SRGAP2C: variants seen among roughly 807,000 people sequenced by gnomAD.
The protein encoded by SRGAP2C is SLIT-ROBO Rho GTPase-activating protein 2C.
Under a neutral mutation model 25.1 loss-of-function variants are expected in SRGAP2C, and 15 were observed. The ratio of observed to expected loss-of-function variants is 0.60; its 90% CI spans 0.40 to 0.92. SRGAP2C has a LOEUF of 0.92. Among genes scored for constraint, SRGAP2C ranks in the 40% least tolerant of loss-of-function variants. The pLI is 0.00. For synonymous variants in SRGAP2C, 44 were observed against 96.6 expected, an observed-to-expected ratio of 0.46 and a Z score of 3.19; for missense variants, 144 against 264.4, an observed-to-expected ratio of 0.54 and a Z score of 3.16.
intron 2 of SRGAP2C, among the ~76,000 whole-genome samples, chr1:121,237,527 A>C (rs1655988498): frequency 6.6e-6 from 1 of 151,698 alleles, no homozygotes; most frequent in African/African-American, 2.4e-5. Flanking sequence ...ACTCTGTATA[A>C]GCTTTGCTGA....
rs1660016515 is a variant in SRGAP2C at position 121,389,210 on chromosome 1, ATTCATTGAT to A, written c.*1358_*1366del. 1 of 151,954 alleles carries A rather than the reference ATTCATTGAT, an allele frequency of 6.6e-6. No homozygotes were observed. The highest frequency in any genetic ancestry group is 1.5e-5 in the Non-Finnish European group (1 of 67,974). The allele number at this position is 151,954 out of a possible 1,614,324, so 9.4% of individuals were successfully genotyped here. The stretch of plus-strand genomic sequence containing the variant: ...AAATAACAGAATGGCATTTTAGCTC[ATTCATTGAT>A]TTTTATAAAATATTTAACACACTCC... On this transcript the variant is annotated 3_prime_UTR_variant, in exon 10 of 10. Coordinates refer to ENST00000367123, the MANE Select transcript of SRGAP2C (RefSeq NM_001329984.2).
intron 2 of SRGAP2C, among the ~76,000 whole-genome samples, chr1:121,222,126 G>T (rs1240926969): frequency 6.6e-6 from 1 of 151,942 alleles, no homozygotes; most frequent in Admixed American, 6.5e-5. Flanking sequence ...TACCACCTTA[G>T]TGAGGTGGAT....
intron 2 of SRGAP2C, among the ~76,000 whole-genome samples, chr1:121,264,107 T>C (rs1323171253): frequency 4.6e-5 from 7 of 151,864 alleles, no homozygotes; most frequent in African/African-American, 1.7e-4. Context: ...GGGCTGTCTG[T>C]AATATCTAAA....
chr1:121,268,711 A>G (rs1656867709), intron 2 of SRGAP2C, among the ~76,000 whole-genome samples: 1 of 118,618 alleles, frequency 8.4e-6, no homozygotes, highest in Non-Finnish European at 2.0e-5. Flanking sequence ...TGGCAGGTGA[A>G]TGGTGGTACC....
intron 8 of SRGAP2C, among the ~76,000 whole-genome samples, chr1:121,385,280 T>G (rs1223233725): frequency 8.7e-6 from 1 of 115,128 alleles, no homozygotes; most frequent in Non-Finnish European, 1.8e-5. Context: ...TAGGAGGAGG[T>G]GCTTGGCTCC....
At chr1:121,198,286 TTTTTTTTG>T (rs1292332017) in intron 2 of SRGAP2C, among the ~76,000 whole-genome samples, 5 of 151,622 alleles carry the variant, frequency 3.3e-5, no homozygotes, top group African/African-American at 1.2e-4. Context: ...TCTTTGTTTT[TTTTTTTTG>T]TTTGTTTGTT....
chr1:121,368,175 G>A (rs1553350040), intron 5 of SRGAP2C, among the ~76,000 whole-genome samples: 3 of 112,186 alleles, frequency 2.7e-5, no homozygotes, highest in Non-Finnish European at 5.5e-5. Flanking sequence ...AGGCTGAGGT[G>A]GGCGGATCAT....
chr1:121,360,770 T>C (rs1659172715), intron 4 of SRGAP2C: 1 of 130,250 alleles, frequency 7.7e-6, no homozygotes, highest in African/African-American at 2.9e-5. Flanking sequence ...ACCTTATGTA[T>C]GGTGGTGCTT....
chr1:121,315,164 A>G (rs1198531186), intron 3 of SRGAP2C: 6 of 400,576 alleles, frequency 1.5e-5, no homozygotes, highest in African/African-American at 1.1e-4. Flanking sequence ...TTATTTTTTA[A>G]GAGACAGGTC....
chr1:121,228,660 C>T (rs1326437489), intron 2 of SRGAP2C, among the ~76,000 whole-genome samples: 4 of 151,784 alleles, frequency 2.6e-5, no homozygotes, highest in East Asian at 1.9e-4. Context: ...ACCTTGAACA[C>T]CATCTCTTCT....
chr1:121,213,099 G>A (rs149092737), intron 2 of SRGAP2C, among the ~76,000 whole-genome samples: 6,468 of 141,826 alleles, frequency 0.046, 465 homozygotes, highest in African/African-American at 0.16. Flanking sequence ...AGGCTGGAGT[G>A]CAATGGCATG....
intron 2 of SRGAP2C, among the ~76,000 whole-genome samples, chr1:121,237,371 C>T (rs1489488978): frequency 9.9e-5 from 15 of 152,098 alleles, no homozygotes; most frequent in South Asian, 2.1e-4. Flanking sequence ...GCTATGTGTT[C>T]GCTCCAGTCT....
At position 121,390,909 on chromosome 1, in the gene SRGAP2C, C is replaced by T. The variant is rs1354934384; in HGVS notation, c.*3054C>T. 1.4e-5 allele frequency: 2 copies of T among 145,846 alleles called. No homozygotes were observed. The highest frequency in any genetic ancestry group is 3.0e-5 in the Non-Finnish European group (2 of 66,694). 9.0% of individuals were successfully genotyped at this position (145,846 alleles called of 1,614,324 possible). A position where few individuals can be genotyped will look rare whatever the true frequency, so the allele number is the denominator to read the frequency against. ...CACAAAAATTAGCTGGGTGTGGTGGCAGGCGCCTGTAATCCCAGCTACTCA... is the reference window on the plus strand; with the variant it reads ...CACAAAAATTAGCTGGGTGTGGTGGTAGGCGCCTGTAATCCCAGCTACTCA... On this transcript the variant is annotated 3_prime_UTR_variant, in exon 10 of 10. Coordinates refer to ENST00000367123, the MANE Select transcript of SRGAP2C (RefSeq NM_001329984.2).
In SRGAP2C at chr1:121,292,720, T is replaced by G. The variant is rs1657516083; in HGVS notation, c.260+7725T>G. ...ACAGGACGAGGGGAAGGTATGGCCTTATTTTTTAAAGGTGCACTCTGGAAG... is the reference window on the plus strand; with the variant it reads ...ACAGGACGAGGGGAAGGTATGGCCTGATTTTTTAAAGGTGCACTCTGGAAG... On this transcript the variant is annotated intron_variant, in intron 3 of 9. Coordinates refer to ENST00000367123, the MANE Select transcript of SRGAP2C (RefSeq NM_001329984.2). 2.6e-5 allele frequency among the ~76,000 whole-genome samples: 2 copies of G among 77,564 alleles called. 1 individual carries two copies. Among genetic ancestry groups the G allele is most frequent in the African/African-American group, 1.2e-4 (2 of 16,006 alleles). The allele number at this position is 77,564 out of a possible 152,430, so 50.9% of individuals were successfully genotyped here.
chr1:121,307,364 G>A (rs1657864073), intron 3 of SRGAP2C, among the ~76,000 whole-genome samples: 1 of 151,794 alleles, frequency 6.6e-6, no homozygotes, highest in South Asian at 2.1e-4. Flanking sequence ...TCACTAATGG[G>A]TTGAATCCCA....
At chr1:121,192,075 T>A (rs1164629684) in intron 2 of SRGAP2C, among the ~76,000 whole-genome samples, 1 of 151,716 alleles carries the variant, frequency 6.6e-6, no homozygotes, top group African/African-American at 2.4e-5. Context: ...AAAACTGGAG[T>A]CATATTGTGT....
At chr1:121,351,559 G>A (rs1267113289) in intron 4 of SRGAP2C, among the ~76,000 whole-genome samples, 36 of 141,890 alleles carry the variant, frequency 2.5e-4, no homozygotes, top group Non-Finnish European at 3.7e-4. Context: ...GCAGTGAGCA[G>A]AGATCGCGCC....
chr1:121,195,277 G>A (rs1394235705), intron 2 of SRGAP2C, among the ~76,000 whole-genome samples: 1 of 151,986 alleles, frequency 6.6e-6, no homozygotes, highest in Non-Finnish European at 1.5e-5. Context: ...GGGCGTGGTG[G>A]TGGGTGCCTG....
chr1:121,255,546 T>C (rs1258773806), intron 2 of SRGAP2C, among the ~76,000 whole-genome samples: 1 of 150,110 alleles, frequency 6.7e-6, no homozygotes, highest in East Asian at 2.0e-4. Flanking sequence ...ATTCTATGTC[T>C]TTCAGAACAA....
Sources: gnomAD v4.1 joint callset for allele counts (sites outside exome capture counted in the v4.1 genomes callset) on GRCh38, gnomAD v4.1.1 for gene constraint, MANE v1.5 for transcripts, NCBI Gene and HGNC (gene_info 2026-07-23, HGNC 2026-07-21) for gene names.